Variants in SCNN1B observed in about 807,000 individuals in gnomAD.
SCNN1B encodes epithelial sodium channel subunit beta.
Under a neutral mutation model 65.3 loss-of-function variants are expected in SCNN1B, and 46 were observed. The ratio of observed to expected loss-of-function variants is 0.70; its 90% CI spans 0.56 to 0.90. The LOEUF (loss-of-function observed/expected upper bound fraction) is 0.90, where lower values mean the gene tolerates loss of function less well. SCNN1B is among the 40% of genes least tolerant of loss of function. The pLI is 0.00. For missense variants in SCNN1B, 751 were observed against 830.5 expected (o/e 0.90, Z 1.18); for synonymous variants, 349 against 330.6 (o/e 1.06, Z -0.60).
At chr16:23,373,516 G>A (rs1962827568) in intron 7 of SCNN1B, among the ~76,000 whole-genome samples, 1 of 152,172 alleles carries the variant, frequency 6.6e-6, no homozygotes, top group Non-Finnish European at 1.5e-5. Flanking sequence ...ACCCAGACCT[G>A]CCACTAGTCC....
intron 1 of SCNN1B, among the ~76,000 whole-genome samples, chr16:23,343,647 G>GAAAGAAAA (rs1567304496): frequency 1.8e-5 from 2 of 109,986 alleles, no homozygotes; most frequent in South Asian, 3.6e-4. Context: ...AAGAAAGAAA[G>GAAAGAAAA]AAAAAAAGAA....
In SCNN1B at chr16:23,358,771, G is replaced by A. The variant is rs566092907; in HGVS notation, c.776+3282G>A. ...AATATACAAAAATTAGCCAGGTGTG[G>A]TGGCGCATGCCTGTAATCCCGGCTA... On this transcript the variant is annotated intron_variant, in intron 4 of 12. Coordinates refer to ENST00000343070, the MANE Select transcript of SCNN1B (RefSeq NM_000336.3). 2.6e-5 allele frequency among the ~76,000 whole-genome samples: 4 copies of A among 152,260 alleles called. No homozygotes were observed. The East Asian group carries it at 7.7e-4, about 29-fold the overall frequency.
intron 1 of SCNN1B, among the ~76,000 whole-genome samples, chr16:23,283,161 A>G (rs1960805128): frequency 6.6e-6 from 1 of 152,270 alleles, no homozygotes; most frequent in Admixed American, 6.5e-5. Context: ...CTGTAATCCC[A>G]GGACGTTGGG....
At position 23,380,615 on chromosome 16, in the gene SCNN1B, C is replaced by T. The variant is rs758619874; in HGVS notation, c.1737C>T (p.Ala579=). The T allele has an allele frequency of 6.8e-6, 11 of 1,613,758 alleles. No homozygotes were observed. Among genetic ancestry groups the T allele is most frequent in the African/African-American group, 4.0e-5 (3 of 74,940 alleles). The change falls in exon 13 of 13, where the codon GCC becomes GCT. Residue 579 remains alanine (A), a synonymous_variant. Coordinates refer to ENST00000343070, the MANE Select transcript of SCNN1B (RefSeq NM_000336.3). This position sits in a 1 kb window ranked among gnomAD's most constrained non-coding sequence, Gnocchi z 5.4. ...ASYAGPPPTV[A]ELVEAHTNFG... ...ACGCTGGCCCACCGCCCACCGTGGCCGAGCTGGTGGAGGCCCACACCAACT... is the reference window on the plus strand; with the variant it reads ...ACGCTGGCCCACCGCCCACCGTGGCTGAGCTGGTGGAGGCCCACACCAACT...
rs753802362 is a variant in SCNN1B at position 23,346,200 on chromosome 16, C to CTT, written c.-8-2364_-8-2363dup. ...CCATGGAACACCCTTTTTTCCTTTT[C>CTT]TTTTTTTTTTTTTTTTTTTTTTTTT... On this transcript the variant is annotated intron_variant, in intron 1 of 12. Coordinates refer to ENST00000343070, the MANE Select transcript of SCNN1B (RefSeq NM_000336.3). Among the ~76,000 whole-genome samples, 663 of 77,986 alleles carry CTT rather than the reference C, an allele frequency of 8.5e-3. 91 individuals are homozygous for CTT. Among genetic ancestry groups the CTT allele is most frequent in the African/African-American group, 0.015 (228 of 15,710 alleles). 51.2% of individuals were successfully genotyped at this position (77,986 alleles called of 152,430 possible).
chr16:23,331,475 C>A (rs933822020), intron 1 of SCNN1B, among the ~76,000 whole-genome samples: 1 of 152,060 alleles, frequency 6.6e-6, no homozygotes, highest in Non-Finnish European at 1.5e-5. Flanking sequence ...CAAGTACCCA[C>A]CACCAGGTCC....
intron 1 of SCNN1B, among the ~76,000 whole-genome samples, chr16:23,318,539 G>A (rs1171420748): frequency 6.6e-6 from 1 of 152,184 alleles, no homozygotes; most frequent in African/African-American, 2.4e-5. Flanking sequence ...AACCCGGGAG[G>A]CAGAAGTTGC....
At chr16:23,282,007 C>T (rs1306436927) in intron 1 of SCNN1B, among the ~76,000 whole-genome samples, 1 of 151,992 alleles carries the variant, frequency 6.6e-6, no homozygotes, top group Non-Finnish European at 1.5e-5. Context: ...GCCTGGGCAA[C>T]ATGGGGAAAC....
At position 23,346,200 on chromosome 16, in the gene SCNN1B, C is replaced by CTTTTTTTTTTTT. The variant is rs753802362; in HGVS notation, c.-8-2374_-8-2363dup. Among the ~76,000 whole-genome samples, 736 of 77,998 alleles carry CTTTTTTTTTTTT rather than the reference C, an allele frequency of 9.4e-3. 150 individuals are homozygous for CTTTTTTTTTTTT. The highest frequency in any genetic ancestry group is 0.034 in the African/African-American group (541 of 15,732). The allele number at this position is 77,998 out of a possible 152,430, so 51.2% of individuals were successfully genotyped here. ...CCATGGAACACCCTTTTTTCCTTTT[C>CTTTTTTTTTTTT]TTTTTTTTTTTTTTTTTTTTTTTTT... On this transcript the variant is annotated intron_variant, in intron 1 of 12. Coordinates refer to ENST00000343070, the MANE Select transcript of SCNN1B (RefSeq NM_000336.3).
chr16:23,346,273 G>T (rs1025166516), intron 1 of SCNN1B, among the ~76,000 whole-genome samples: 1 of 141,596 alleles, frequency 7.1e-6, no homozygotes, highest in African/African-American at 2.8e-5. Context: ...GTGCAGTGGG[G>T]CGATCTCAGC....
chr16:23,380,826 G>T lies in SCNN1B; in HGVS notation c.*25G>T. ...ACCCTGCCCCTGCCCACCCCGGGCG[G>T]CTGAAACTCACTGAGCAGCCAAGAC... On this transcript the variant is annotated 3_prime_UTR_variant, in exon 13 of 13. Transcript: ENST00000343070. The surrounding 1 kb of genome is among the most constrained non-coding windows in gnomAD (Gnocchi z 5.4). The T allele has an allele frequency of 6.2e-7, 1 of 1,611,298 alleles. No homozygotes were observed. Among genetic ancestry groups the T allele is most frequent in the Non-Finnish European group, 8.5e-7 (1 of 1,179,758 alleles).
intron 4 of SCNN1B, 101 bp downstream of exon 4, chr16:23,355,590 G>A: frequency 8.3e-7 from 1 of 1,198,872 alleles, no homozygotes; most frequent in African/African-American, 1.5e-5. Flanking sequence ...ATCCTGCCCA[G>A]CCACTTACCG....
chr16:23,365,620 A>AGAAAGAAAGAGAAAG (rs11399911), intron 4 of SCNN1B, among the ~76,000 whole-genome samples: 24 of 80,496 alleles, frequency 3.0e-4, no homozygotes, highest in Admixed American at 3.7e-4. Context: ...AAAGAAAGAA[A>AGAAAGAAAGAGAAAG]AAAGAAAGAA....
At chr16:23,301,002 G>GTGTA (rs1029284874), upstream of SCNN1B, among the ~76,000 whole-genome samples, 2 of 151,786 alleles carry the variant, frequency 1.3e-5, no homozygotes, top group African/African-American at 4.8e-5. Context: ...ACGTGTGTGT[G>GTGTA]TGTGTGTGTG....
intron 1 of SCNN1B, among the ~76,000 whole-genome samples, chr16:23,336,624 C>A (rs983396522): frequency 6.6e-6 from 1 of 152,134 alleles, no homozygotes; most frequent in Non-Finnish European, 1.5e-5. Context: ...CCCACCTCGG[C>A]CTCCCAAAGT....
rs534003634 is a variant in SCNN1B, at chr16:23,348,987, TC to T, written c.311+79del. 6.2e-5 allele frequency: 64 copies of T among 1,038,574 alleles called. 1 individual carries two copies. Among genetic ancestry groups the T allele is most frequent in the South Asian group, 5.9e-4 (45 of 76,742 alleles). The allele number at this position is 1,038,574 out of a possible 1,614,324, so 64.3% of individuals were successfully genotyped here. ...TCTCTCTTTTCTTCCCTTCTACCTT[TC>T]CTTTCCTTCCTTTCCTTCCTTCTCC... On this transcript the variant is annotated intron_variant, in intron 2 of 12. Coordinates refer to ENST00000343070, the MANE Select transcript of SCNN1B (RefSeq NM_000336.3). This position sits in a 1 kb window ranked among gnomAD's most constrained non-coding sequence, Gnocchi z 4.5.
intron 1 of SCNN1B, among the ~76,000 whole-genome samples, chr16:23,343,465 G>A (rs183001): frequency 0.51 from 62,941 of 123,096 alleles, 16,338 homozygotes; most frequent in South Asian, 0.73. Context: ...ATAAAAAAAG[G>A]AAAAGAAAGA....
chr16:23,311,042 C>A (rs1055608872), intron 1 of SCNN1B, among the ~76,000 whole-genome samples: 3 of 152,256 alleles, frequency 2.0e-5, no homozygotes, highest in Admixed American at 1.3e-4. Context: ...TCGGTGCAAG[C>A]TCTTGGCCTA....
chr16:23,334,507 A>G (rs977117346), intron 1 of SCNN1B, among the ~76,000 whole-genome samples: 3 of 152,144 alleles, frequency 2.0e-5, no homozygotes, highest in African/African-American at 7.2e-5. Flanking sequence ...AGCCGCCCAC[A>G]GGTCTAGAAC....
Sources: allele counts gnomAD v4.1 joint callset (sites outside exome capture counted in the v4.1 genomes callset), GRCh38; gene constraint gnomAD v4.1.1; non-coding constraint Gnocchi (gnomAD v3.1); transcripts MANE v1.5; gene names NCBI Gene and HGNC (gene_info 2026-07-23, HGNC 2026-07-21).